The following AGBL4 variants were observed in gnomAD, a reference collection of about 807,000 sequenced individuals.
AGBL4 encodes the protein cytosolic carboxypeptidase 6.
In AGBL4, 58 loss-of-function variants were observed where a neutral mutation model predicts 66.4. That is an observed-to-expected ratio of 0.87 (90% CI 0.71 to 1.09). AGBL4 has a LOEUF of 1.09. Ranked by LOEUF, AGBL4 falls within the 50% of genes least tolerant of loss-of-function variation. AGBL4 has a pLI of 0.00. For synonymous variants in AGBL4, 234 were observed against 222.9 expected (o/e 1.05, Z -0.44); for missense variants, 579 against 631.0 (o/e 0.92, Z 0.88).
intron 3 of AGBL4, among the ~76,000 whole-genome samples, chr1:49,655,934 G>A (rs1333670848): frequency 2.0e-5 from 3 of 152,112 alleles, no homozygotes; most frequent in Non-Finnish European, 2.9e-5. Flanking sequence ...AGATCATGAG[G>A]TCAGCAGTTC....
intron 1 of AGBL4, among the ~76,000 whole-genome samples, chr1:49,990,982 A>T (rs1443344930): frequency 6.6e-6 from 1 of 152,208 alleles, no homozygotes; most frequent in Non-Finnish European, 1.5e-5. Flanking sequence ...CATTAAAAAA[A>T]CTCAAACCTA....
chr1:49,320,643 A>G (rs907683818), intron 3 of AGBL4, among the ~76,000 whole-genome samples: 2 of 152,194 alleles, frequency 1.3e-5, no homozygotes, highest in African/African-American at 4.8e-5. Context: ...AGGTTTCAAT[A>G]AACTGAGAGA....
intron 3 of AGBL4, among the ~76,000 whole-genome samples, chr1:49,503,538 C>G (rs1648388583): frequency 6.6e-6 from 1 of 152,084 alleles, no homozygotes; most frequent in Admixed American, 6.5e-5. Flanking sequence ...GTACTCAACA[C>G]CAGTCTGTGA....
intron 5 of AGBL4, among the ~76,000 whole-genome samples, chr1:48,915,341 G>A (rs565993645): frequency 2.4e-4 from 36 of 152,298 alleles, no homozygotes; most frequent in Non-Finnish European, 1.2e-4. Flanking sequence ...CAGCTCAAAT[G>A]CCACTGTCTT....
chr1:49,261,417 C>T (rs1328157469), intron 3 of AGBL4, among the ~76,000 whole-genome samples: 1 of 152,128 alleles, frequency 6.6e-6, no homozygotes, highest in Admixed American at 6.5e-5. Flanking sequence ...ACCCCATTGG[C>T]TCAGCCCAAA....
chr1:49,932,122 G>A (rs549752020), intron 1 of AGBL4, among the ~76,000 whole-genome samples: 4 of 151,992 alleles, frequency 2.6e-5, no homozygotes, highest in Non-Finnish European at 5.9e-5. Flanking sequence ...TTCAAATAAG[G>A]GATATTGAAA....
chr1:48,967,914 A>G lies in AGBL4; in HGVS notation c.594+77670T>C, dbSNP rs1005006165. 2.0e-5 allele frequency among the ~76,000 whole-genome samples: 3 copies of G among 152,122 alleles called. No individual in the cohort carries two copies. In the East Asian group the frequency reaches 5.8e-4, roughly 29 times the overall value. On this transcript the variant is annotated intron_variant, in intron 5 of 13. Transcript: ENST00000371839. The stretch of plus-strand genomic sequence containing the variant: ...CAGAGTTACTAATTTATAATCAGGG[A>G]AACTTTCTTCTCCTTTGGCAAGTTA...
rs58314536 is a variant in AGBL4 at position 48,789,294 on chromosome 1, ATTTT to A, written c.634+77893_634+77896del. On this transcript the variant is annotated intron_variant, in intron 6 of 13. Coordinates refer to ENST00000371839, the MANE Select transcript of AGBL4 (RefSeq NM_032785.4). ...GCTGCGTGGATATATATATATATAT[ATTTT>A]TTTTTTTTGAGACGGCATCTCGCTC... 5.3e-5 allele frequency among the ~76,000 whole-genome samples: 7 copies of A among 132,048 alleles called. No individual in the cohort carries two copies. The East Asian group carries it at 1.6e-3, about 29-fold the overall frequency. 86.6% of individuals were successfully genotyped at this position (132,048 alleles called of 152,430 possible).
At chr1:48,552,463 C>T (rs1028860623) in intron 11 of AGBL4, among the ~76,000 whole-genome samples, 4 of 152,174 alleles carry the variant, frequency 2.6e-5, no homozygotes, top group African/African-American at 9.7e-5. Context: ...TTCACACTGG[C>T]TATGTAGAGT....
At chr1:50,011,413 A>G (rs1661521451) in intron 1 of AGBL4, among the ~76,000 whole-genome samples, 1 of 152,190 alleles carries the variant, frequency 6.6e-6, no homozygotes, top group Admixed American at 6.5e-5. Context: ...GAGAAAAGGG[A>G]ACCCTCGTAT....
chr1:49,343,707 A>G (rs1645585593), intron 3 of AGBL4, among the ~76,000 whole-genome samples: 1 of 152,190 alleles, frequency 6.6e-6, no homozygotes, highest in Non-Finnish European at 1.5e-5. Context: ...AAAAACTTAA[A>G]AACTGGACCA....
At chr1:48,804,593 A>G (rs771140634) in intron 6 of AGBL4, among the ~76,000 whole-genome samples, 1 of 152,184 alleles carries the variant, frequency 6.6e-6, no homozygotes, top group Non-Finnish European at 1.5e-5. Context: ...ATAAACAAGA[A>G]AGAAATGGTG....
chr1:49,492,825 T>C (rs952856663), intron 3 of AGBL4, among the ~76,000 whole-genome samples: 3 of 151,968 alleles, frequency 2.0e-5, no homozygotes, highest in African/African-American at 7.2e-5. Flanking sequence ...TACTGAGCAC[T>C]GTATTAGTCT....
Position 49,326,672 on chromosome 1 carries a change from A to G in AGBL4, c.283-80808T>C, listed in dbSNP as rs72897779. ...TTGAAAAGAAGGGAATAGAGTCATG[A>G]AGAAGGAAATCATCAACAGTGTCAA... On this transcript the variant is annotated intron_variant, in intron 3 of 13. Coordinates refer to ENST00000371839, the MANE Select transcript of AGBL4 (RefSeq NM_032785.4). 8.9e-3 allele frequency among the ~76,000 whole-genome samples: 1,353 copies of G among 152,330 alleles called. 16 individuals are homozygous for G. The highest frequency in any genetic ancestry group is 0.031 in the African/African-American group (1,297 of 41,574).
intron 1 of AGBL4, among the ~76,000 whole-genome samples, chr1:49,940,171 A>T (rs1654591257): frequency 6.6e-6 from 1 of 152,210 alleles, no homozygotes; most frequent in African/African-American, 2.4e-5. Context: ...CACACCAGTT[A>T]GAATGGCCAT....
At chr1:48,674,957 C>T (rs1646340907) in intron 6 of AGBL4, among the ~76,000 whole-genome samples, 1 of 152,148 alleles carries the variant, frequency 6.6e-6, no homozygotes, top group African/African-American at 2.4e-5. Flanking sequence ...TCCCGCTTTT[C>T]CCCTCTGGTG....
rs570838357 is a variant in AGBL4 at position 49,216,909 on chromosome 1, G to T, written c.377+28861C>A. Among the ~76,000 whole-genome samples, 15 of 152,214 alleles carry T rather than the reference G, an allele frequency of 9.9e-5. No individual in the cohort carries two copies. In the East Asian group the frequency reaches 1.7e-3, roughly 18 times the overall value. The stretch of plus-strand genomic sequence containing the variant: ...AATTTGGGACCCACTTGCAATAACC[G>T]TATGGCTCCCCCTCGGTCCTTTGCC... On this transcript the variant is annotated intron_variant, in intron 4 of 13. Transcript: ENST00000371839.
chr1:48,990,650 T>C (rs1660533860), intron 5 of AGBL4, among the ~76,000 whole-genome samples: 1 of 152,070 alleles, frequency 6.6e-6, no homozygotes, highest in South Asian at 2.1e-4. Flanking sequence ...TCTGCTTGTT[T>C]TGTGGTCTTT....
chr1:49,347,010 A>T (rs1645644384), intron 3 of AGBL4, among the ~76,000 whole-genome samples: 1 of 152,198 alleles, frequency 6.6e-6, no homozygotes, highest in Non-Finnish European at 1.5e-5. Flanking sequence ...TGTTCTTCCA[A>T]TGTTGTAAGA....
Sources: gnomAD v4.1 joint callset for allele counts (sites outside exome capture counted in the v4.1 genomes callset) on GRCh38, gnomAD v4.1.1 for gene constraint, MANE v1.5 for transcripts, NCBI Gene and HGNC (gene_info 2026-07-23, HGNC 2026-07-21) for gene names.